TOX: variants seen among roughly 807,000 people sequenced by gnomAD.
The protein encoded by TOX is thymocyte selection associated high mobility group box, also known as thymocyte selection-associated high mobility group box protein TOX.
Under a neutral mutation model 53.7 loss-of-function variants are expected in TOX, and 11 were observed. That is an observed-to-expected ratio of 0.20 (90% CI 0.13 to 0.34). The LOEUF (loss-of-function observed/expected upper bound fraction) is 0.34. Ranked by LOEUF, TOX falls within the 10% of genes least tolerant of loss-of-function variation. The probability of loss-of-function intolerance (pLI) is 1.00; values close to 1 mark genes in which losing one functional copy is unlikely to be tolerated. For synonymous variants in TOX, 225 were observed against 245.3 expected (o/e 0.92, Z 0.77); for missense variants, 570 against 664.6 (o/e 0.86, Z 1.56).
intron 1 of TOX, among the ~76,000 whole-genome samples, chr8:59,093,203 T>C (rs918756414): frequency 6.6e-6 from 1 of 152,212 alleles, no homozygotes; most frequent in African/African-American, 2.4e-5. Context: ...AGATCCTGCT[T>C]CCAGTTCCAG....
chr8:59,036,978 A>G (rs1214006956), intron 1 of TOX, among the ~76,000 whole-genome samples: 1 of 152,200 alleles, frequency 6.6e-6, no homozygotes, highest in Non-Finnish European at 1.5e-5. Flanking sequence ...CTGGATTAAT[A>G]TCTGGCAATT....
chr8:59,040,657 C>T (rs1803563976), intron 1 of TOX, among the ~76,000 whole-genome samples: 2 of 152,208 alleles, frequency 1.3e-5, no homozygotes, highest in Admixed American at 6.5e-5. Flanking sequence ...CCCAATTATA[C>T]AGCACTGCTG....
intron 1 of TOX, among the ~76,000 whole-genome samples, chr8:59,070,506 AACACACACACACACACAC>A (rs371344375): frequency 1.4e-5 from 2 of 140,112 alleles, no homozygotes; most frequent in Non-Finnish European, 3.1e-5. Context: ...TGTCAAGGAA[AACACACACACACACACAC>A]ACACACACAC....
At chr8:59,086,006 A>T (rs1804502372) in intron 1 of TOX, among the ~76,000 whole-genome samples, 1 of 87,510 alleles carries the variant, frequency 1.1e-5, no homozygotes, top group Non-Finnish European at 2.3e-5. Flanking sequence ...TTTTTTTGAG[A>T]CAGAGTTTCA....
At position 59,092,275 on chromosome 8, in the gene TOX, A is replaced by ATATATATTATATATACATTATATATAT. The variant is rs1563443713; in HGVS notation, c.102+26584_102+26610dup. ...TCATATATATATATTTTATATATATATATATATTATATATACATTATATAT... is the reference window on the plus strand; with the variant it reads ...TCATATATATATATTTTATATATATATATATATTATATATACATTATATATATTATATATTATATATACATTATATAT... On this transcript the variant is annotated intron_variant, in intron 1 of 8. Coordinates refer to ENST00000361421, the MANE Select transcript of TOX (RefSeq NM_014729.3). Among the ~76,000 whole-genome samples the ATATATATTATATATACATTATATATAT allele has an allele frequency of 3.0e-4, 28 of 91,884 alleles. 2 individuals carry two copies. The highest frequency in any genetic ancestry group is 4.2e-4 in the Non-Finnish European group (24 of 57,042). 60.3% of individuals were successfully genotyped at this position (91,884 alleles called of 152,430 possible).
chr8:59,080,032 G>A (rs994093938), intron 1 of TOX, among the ~76,000 whole-genome samples: 1 of 151,138 alleles, frequency 6.6e-6, no homozygotes, highest in Admixed American at 6.6e-5. Flanking sequence ...GCCCAGGCTG[G>A]AGTGCAGTGG....
intron 1 of TOX, among the ~76,000 whole-genome samples, chr8:59,023,874 A>C (rs1339753875): frequency 6.6e-6 from 1 of 152,190 alleles, no homozygotes; most frequent in African/African-American, 2.4e-5. Context: ...AAATAAGTGA[A>C]ACAGTGCTTG....
chr8:58,904,346 C>G (rs1259161680), intron 3 of TOX, among the ~76,000 whole-genome samples: 2 of 151,850 alleles, frequency 1.3e-5, no homozygotes, highest in Admixed American at 1.3e-4. Context: ...GATACTAAAG[C>G]ACAGAACCTA....
chr8:59,011,226 G>A (rs1044476806), intron 1 of TOX, among the ~76,000 whole-genome samples: 1 of 152,208 alleles, frequency 6.6e-6, no homozygotes, highest in Admixed American at 6.5e-5. Flanking sequence ...CCAAGGATTA[G>A]TCTGCCACCA....
intron 8 of TOX, 97 bp downstream of exon 8, chr8:58,808,021 C>T: frequency 6.7e-7 from 1 of 1,487,594 alleles, no homozygotes; most frequent in African/African-American, 1.4e-5. Context: ...GAAACTATCC[C>T]GGATCATGTT....
At chr8:59,010,768 C>A (rs1813889919) in intron 1 of TOX, among the ~76,000 whole-genome samples, 1 of 152,176 alleles carries the variant, frequency 6.6e-6, no homozygotes, top group African/African-American at 2.4e-5. Context: ...AATAAGAGAA[C>A]ACAAATATAT....
At chr8:58,966,540 C>T (rs929063852) in intron 1 of TOX, among the ~76,000 whole-genome samples, 7 of 152,058 alleles carry the variant, frequency 4.6e-5, no homozygotes, top group African/African-American at 1.4e-4. Context: ...GACTTGGCCA[C>T]GGGTGGGCAA....
At chr8:59,035,462 A>G (rs1187211003) in intron 1 of TOX, among the ~76,000 whole-genome samples, 1 of 152,158 alleles carries the variant, frequency 6.6e-6, no homozygotes, top group Non-Finnish European at 1.5e-5. Flanking sequence ...GCAGCCTCCA[A>G]CTCCTGGGCT....
intron 1 of TOX, among the ~76,000 whole-genome samples, chr8:59,009,216 T>TTCTCC (rs1214885656): frequency 4.0e-5 from 6 of 151,648 alleles, no homozygotes; most frequent in African/African-American, 1.5e-4. Context: ...TTCCCCCTCT[T>TTCTCC]TCTCCTTTCT....
At chr8:59,063,502 C>T (rs1363526041) in intron 1 of TOX, among the ~76,000 whole-genome samples, 1 of 149,140 alleles carries the variant, frequency 6.7e-6, no homozygotes, top group East Asian at 2.0e-4. Flanking sequence ...TAGCTCACTG[C>T]AACCTCCGCC....
At chr8:59,108,685 CAT>C (rs60563001) in intron 1 of TOX, among the ~76,000 whole-genome samples, 6,540 of 145,426 alleles carry the variant, frequency 0.045, 469 homozygotes, top group African/African-American at 0.16. Flanking sequence ...CACACACACA[CAT>C]ACACACACAA....
rs767823601 is a variant in TOX at position 58,808,168 on chromosome 8, T to G, written c.1494A>C (p.Arg498Ser). 1.9e-6 allele frequency: 3 copies of G among 1,614,140 alleles called. No individual in the cohort carries two copies. The highest frequency in any genetic ancestry group is 2.5e-6 in the Non-Finnish European group (3 of 1,179,998). The part of the protein sequence containing the change: ...QAMEYVRSGC[R>S]NPPPQPVDWN... ...AGTCCACCGGTTGTGGGGGAGGATTTCTGCACCCCGAACGCACATACTCCA... is the reference window on the plus strand; with the variant it reads ...AGTCCACCGGTTGTGGGGGAGGATTGCTGCACCCCGAACGCACATACTCCA... The change falls in exon 8 of 9, where the codon AGA (arginine) becomes AGC (serine). Residue 498 changes from arginine (R) to serine (S), a missense_variant. Arg to Ser is a moderately radical substitution (Grantham distance 110). Coordinates refer to ENST00000361421, the MANE Select transcript of TOX (RefSeq NM_014729.3).
intron 1 of TOX, among the ~76,000 whole-genome samples, chr8:59,032,373 T>C (rs757012531): frequency 6.6e-6 from 1 of 152,246 alleles, no homozygotes; most frequent in Non-Finnish European, 1.5e-5. Flanking sequence ...ATTATATTAA[T>C]GACACATTGA....
chr8:58,848,144 G>A (rs1810748736), intron 4 of TOX, among the ~76,000 whole-genome samples: 1 of 152,072 alleles, frequency 6.6e-6, no homozygotes, highest in African/African-American at 2.4e-5. Context: ...GAAGGTGTAT[G>A]TAGTTAAAGT....
Sources: gnomAD v4.1 joint callset for allele counts (sites outside exome capture counted in the v4.1 genomes callset) on GRCh38, gnomAD v4.1.1 for gene constraint, MANE v1.5 for transcripts, NCBI Gene and HGNC (gene_info 2026-07-23, HGNC 2026-07-21) for gene names.